Variants in BTF3L4 observed in about 807,000 individuals in gnomAD.
BTF3L4 encodes the protein transcription factor BTF3 homolog 4.
BTF3L4 carries 6 observed loss-of-function variants against 16.8 expected under a neutral mutation model. The observed-to-expected ratio is 0.36, with a 90% CI of 0.20 to 0.71. BTF3L4 has a LOEUF of 0.71. Among genes scored for constraint, BTF3L4 ranks in the 30% least tolerant of loss-of-function variants. The probability of loss-of-function intolerance (pLI) is 0.58; values close to 1 mark genes in which losing one functional copy is unlikely to be tolerated. For synonymous variants in BTF3L4, 39 were observed against 59.8 expected (o/e 0.65, Z 1.60); for missense variants, 92 against 186.9 (o/e 0.49, Z 2.96).
intron 3 of BTF3L4, among the ~76,000 whole-genome samples, chr1:52,070,255 G>T (rs187336379): frequency 1.3e-5 from 2 of 151,230 alleles, no homozygotes; most frequent in East Asian, 3.9e-4. Flanking sequence ...AATAAGACAA[G>T]CTTCTCTGAC....
intron 3 of BTF3L4, among the ~76,000 whole-genome samples, chr1:52,074,001 A>G (rs112859947): frequency 0.01 from 1,596 of 152,024 alleles, 25 homozygotes; most frequent in African/African-American, 0.036. Flanking sequence ...CATCTCAAAA[A>G]AAGAAAAAAA....
At chr1:52,071,239 C>G (rs536032027) in intron 3 of BTF3L4, 3 of 152,272 alleles carry the variant, frequency 2.0e-5, no homozygotes, top group African/African-American at 7.2e-5. Context: ...CAAGTTGCTT[C>G]ATAGAGTTTT....
chr1:52,081,345 G>A (rs1048101234), intron 3 of BTF3L4, among the ~76,000 whole-genome samples: 3 of 152,018 alleles, frequency 2.0e-5, no homozygotes. Flanking sequence ...TGTTGGCCAA[G>A]CTGATTCTGA....
intron 3 of BTF3L4, among the ~76,000 whole-genome samples, chr1:52,075,697 C>G (rs1489084388): frequency 6.6e-6 from 1 of 150,838 alleles, no homozygotes; most frequent in East Asian, 1.9e-4. Context: ...TTTCAACTCT[C>G]TTGTTGCCCA....
chr1:52,071,117 T>A (rs1266737774), intron 3 of BTF3L4: 2 of 152,238 alleles, frequency 1.3e-5, no homozygotes, highest in Non-Finnish European at 2.9e-5. Context: ...ATTGCATGAA[T>A]CCATTGACAA....
chr1:52,069,640 A>G (rs1369914814), intron 3 of BTF3L4, among the ~76,000 whole-genome samples: 3 of 152,182 alleles, frequency 2.0e-5, no homozygotes, highest in Non-Finnish European at 4.4e-5. Flanking sequence ...AAGAAAAGAC[A>G]CTTTTTGCCA....
intron 3 of BTF3L4, among the ~76,000 whole-genome samples, chr1:52,066,915 T>C (rs1008171067): frequency 1.3e-5 from 2 of 151,698 alleles, no homozygotes; most frequent in African/African-American, 4.8e-5. Flanking sequence ...CTAATGTACA[T>C]GTGCTATAAA....
At chr1:52,063,420 C>G (rs1466978370) in intron 2 of BTF3L4, among the ~76,000 whole-genome samples, 1 of 152,146 alleles carries the variant, frequency 6.6e-6, no homozygotes, top group African/African-American at 2.4e-5. Flanking sequence ...CCTTCAGCAA[C>G]TAGATTTCAA....
chr1:52,064,954 A>ACT lies in BTF3L4; in HGVS notation c.168+16_168+17insCT. 1 of 1,507,854 alleles carries ACT rather than the reference A, an allele frequency of 6.6e-7. No homozygotes were observed. The highest frequency in any genetic ancestry group is 9.2e-7 in the Non-Finnish European group (1 of 1,090,134). The allele number at this position is 1,507,854 out of a possible 1,614,324, so 93.4% of individuals were successfully genotyped here. The stretch of plus-strand genomic sequence containing the variant: ...TATTGAAGAGGTATGATCACTTTGC[A>ACT]AGTTGTTAAATTGTGTGGGTACATG... On this transcript the variant is annotated intron_variant, in intron 3 of 5. Coordinates refer to ENST00000313334, the MANE Select transcript of BTF3L4 (RefSeq NM_152265.5).
intron 3 of BTF3L4, among the ~76,000 whole-genome samples, chr1:52,076,325 G>A (rs894137751): frequency 6.7e-6 from 1 of 150,294 alleles, no homozygotes; most frequent in African/African-American, 2.4e-5. Flanking sequence ...CCTGTAATCC[G>A]AGCACTTTGG....
chr1:52,060,380 GT>G, intron 2 of BTF3L4: 1 of 986,690 alleles, frequency 1.0e-6, no homozygotes, highest in Admixed American at 2.5e-5. Flanking sequence ...TTGTACAGAG[GT>G]TTAGCTGGAG....
At chr1:52,070,912 T>TA (rs938237988) in intron 3 of BTF3L4, among the ~76,000 whole-genome samples, 1 of 152,126 alleles carries the variant, frequency 6.6e-6, no homozygotes, top group African/African-American at 2.4e-5. Flanking sequence ...CTGGGAGGAT[T>TA]ACAGGTGTGA....
chr1:52,061,973 G>C (rs1686523088), intron 2 of BTF3L4, among the ~76,000 whole-genome samples: 2 of 150,482 alleles, frequency 1.3e-5, no homozygotes, highest in East Asian at 2.0e-4. Flanking sequence ...ATCTCTCTCT[G>C]TCGCCCAGGC....
At chr1:52,059,935 T>C (rs1346356275) in intron 2 of BTF3L4, 34 bp downstream of exon 2, 1 of 1,575,660 alleles carries the variant, frequency 6.3e-7, no homozygotes, top group Non-Finnish European at 8.7e-7. Flanking sequence ...GATAGGAGAA[T>C]GTATGATTAC....
At chr1:52,086,239 A>G in intron 5 of BTF3L4, 68 bp downstream of exon 5, 1 of 1,233,178 alleles carries the variant, frequency 8.1e-7, no homozygotes, top group Non-Finnish European at 1.2e-6. Context: ...CATTGCATAG[A>G]TAACTTTTAG....
In BTF3L4 at chr1:52,087,987, T is replaced by C. The variant is rs1643987212; in HGVS notation, c.*1229T>C. On this transcript the variant is annotated 3_prime_UTR_variant, in exon 6 of 6. Coordinates refer to ENST00000313334, the MANE Select transcript of BTF3L4 (RefSeq NM_152265.5). ...TGAGGGGAGCACTGGTAAAACACAG[T>C]ATTTATTTTTTTACCTCCTTTAAGA... is the stretch of plus-strand genomic sequence containing the variant. The C allele has an allele frequency of 1.3e-5, 2 of 152,596 alleles. No individual in the cohort carries two copies. Among genetic ancestry groups the C allele is most frequent in the African/African-American group, 4.8e-5 (2 of 41,438 alleles). 9.5% of individuals were successfully genotyped at this position (152,596 alleles called of 1,614,324 possible).
intron 3 of BTF3L4, among the ~76,000 whole-genome samples, chr1:52,073,582 A>G (rs1056557382): frequency 9.4e-5 from 14 of 148,248 alleles, no homozygotes; most frequent in Non-Finnish European, 1.5e-4. Flanking sequence ...GGCAGGTGCA[A>G]TGACTCATGC....
chr1:52,062,757 G>A (rs1686550061), intron 2 of BTF3L4, among the ~76,000 whole-genome samples: 1 of 152,232 alleles, frequency 6.6e-6, no homozygotes, highest in East Asian at 1.9e-4. Context: ...TATTGCTAGA[G>A]TCTAAGGCAG....
chr1:52,070,728 C>T (rs1426737703), intron 3 of BTF3L4, among the ~76,000 whole-genome samples: 1 of 149,890 alleles, frequency 6.7e-6, no homozygotes, highest in Non-Finnish European at 1.5e-5. Context: ...CCTACTGCCT[C>T]CTGGGTTCAA....
Sources: allele counts gnomAD v4.1 joint callset (sites outside exome capture counted in the v4.1 genomes callset), GRCh38; gene constraint gnomAD v4.1.1; transcripts MANE v1.5; gene names NCBI Gene and HGNC (gene_info 2026-07-23, HGNC 2026-07-21).